Variants in HACD2 observed in about 807,000 individuals in gnomAD.
HACD2 encodes the protein 3-hydroxyacyl-CoA dehydratase 2, also known as very-long-chain (3R)-3-hydroxyacyl-CoA dehydratase 2.
HACD2 carries 15 observed loss-of-function variants against 31.0 expected under a neutral mutation model. The ratio of observed to expected loss-of-function variants is 0.48; its 90% CI spans 0.32 to 0.75. The LOEUF is 0.75. Among genes scored for constraint, HACD2 ranks in the 30% least tolerant of loss-of-function variants. The pLI is 0.03. For missense variants in HACD2, 283 were observed against 313.0 expected (o/e 0.90, Z 0.72); for synonymous variants, 115 against 122.2 (o/e 0.94, Z 0.39).
rs140353290 is a variant in HACD2, at chr3:123,581,363, A to G, written c.273+849T>C. 7.2e-5 allele frequency among the ~76,000 whole-genome samples: 11 copies of G among 152,294 alleles called. No homozygotes were observed. In the East Asian group the frequency reaches 2.1e-3, roughly 29 times the overall value. On this transcript the variant is annotated intron_variant, in intron 2 of 6. Coordinates refer to ENST00000383657, the MANE Select transcript of HACD2 (RefSeq NM_198402.5). ...AGTCTATAGTCCCTTGGACAGAAGA[A>G]TGGGCATGTGTCCTAAGATTGGCTA...
Position 123,572,184 on chromosome 3 carries a change from G to A in HACD2, c.274-4404C>T, listed in dbSNP as rs374393300. Among the ~76,000 whole-genome samples, 8 of 152,224 alleles carry A rather than the reference G, an allele frequency of 5.3e-5. No homozygotes were observed. The East Asian group carries it at 1.4e-3, about 26-fold the overall frequency. On this transcript the variant is annotated intron_variant, in intron 2 of 6. Coordinates refer to ENST00000383657, the MANE Select transcript of HACD2 (RefSeq NM_198402.5). ...ACACCTCATCAAAAAAAATTTAGAT[G>A]ACTTGCCATATTCAAAATCTCCCTT...
intron 3 of HACD2, among the ~76,000 whole-genome samples, chr3:123,552,954 T>C (rs953787006): frequency 6.6e-6 from 1 of 152,146 alleles, no homozygotes; most frequent in African/African-American, 2.4e-5. Flanking sequence ...GTAAAGCAGT[T>C]GAAAGGGAAG....
chr3:123,574,714 T>C lies in HACD2; in HGVS notation c.274-6934A>G, dbSNP rs370398252. Among the ~76,000 whole-genome samples the C allele has an allele frequency of 2.5e-4, 38 of 152,228 alleles. 1 individual carries two copies. The East Asian group carries it at 3.3e-3, about 13-fold the overall frequency. On this transcript the variant is annotated intron_variant, in intron 2 of 6. Transcript: ENST00000383657. ...TGTGATATATAAATATATACTAAAG[T>C]ATATTAAAAGTGGTAATCTTTTACT... is the stretch of plus-strand genomic sequence containing the variant.
intron 4 of HACD2, among the ~76,000 whole-genome samples, chr3:123,503,268 A>C (rs2055928947): frequency 6.6e-6 from 1 of 151,896 alleles, no homozygotes; most frequent in Non-Finnish European, 1.5e-5. Flanking sequence ...GTCTCAAAAA[A>C]AAAAAAAAAA....
rs2056974649 is a variant in HACD2 at position 123,582,329 on chromosome 3, C to A, written c.156G>T (p.Gly52=). Residue 52 remains glycine (G), a splice_region_variant and synonymous_variant, in exon 2 of 7, where the codon GGG becomes GGT. Coordinates refer to ENST00000383657, the MANE Select transcript of HACD2 (RefSeq NM_198402.5). ...CCAGACCAACCGCTATAACCAGCCA[C>A]CTAGTAAAAGAGAAAACAGCAATCA... ...LVIYNVVMTA[G]WLVIAVGLVR... is the part of the protein sequence containing the mutation. 2 of 1,562,510 alleles carry A rather than the reference C, an allele frequency of 1.3e-6. No individual in the cohort carries two copies. Among genetic ancestry groups the A allele is most frequent in the South Asian group, 1.2e-5 (1 of 82,572 alleles).
intron 2 of HACD2, among the ~76,000 whole-genome samples, chr3:123,573,575 A>G (rs1374324217): frequency 1.3e-5 from 2 of 152,134 alleles, no homozygotes; most frequent in Non-Finnish European, 2.9e-5. Context: ...TGGTGAGTCT[A>G]ACTGTGGAGT....
intron 3 of HACD2, among the ~76,000 whole-genome samples, chr3:123,556,309 C>T (rs952359975): frequency 9.2e-5 from 14 of 151,506 alleles, no homozygotes; most frequent in Admixed American, 4.0e-4. Flanking sequence ...TGGTGGTGCA[C>T]GCCTGTAGTC....
chr3:123,557,631 T>C (rs952768315), intron 3 of HACD2, among the ~76,000 whole-genome samples: 1 of 152,126 alleles, frequency 6.6e-6, no homozygotes, highest in Non-Finnish European at 1.5e-5. Context: ...AGAGTGAGAC[T>C]GTCTCAAAAA....
intron 2 of HACD2, among the ~76,000 whole-genome samples, chr3:123,568,970 T>G (rs116308238): frequency 0.011 from 1,659 of 152,272 alleles, 28 homozygotes; most frequent in African/African-American, 0.031. Context: ...ATTATTTCAT[T>G]GTGCATTAGT....
chr3:123,577,158 C>T (rs2056915942), intron 2 of HACD2, among the ~76,000 whole-genome samples: 2 of 152,102 alleles, frequency 1.3e-5, no homozygotes, highest in African/African-American at 4.8e-5. Context: ...TTCCTGTGGT[C>T]CATCAGGAAG....
chr3:123,551,466 T>A (rs900552791), intron 3 of HACD2, among the ~76,000 whole-genome samples: 3 of 151,188 alleles, frequency 2.0e-5, no homozygotes, highest in African/African-American at 4.9e-5. Flanking sequence ...TAAAAAAAAA[T>A]ATATAAAAAT....
intron 3 of HACD2, among the ~76,000 whole-genome samples, chr3:123,565,684 CAG>C (rs1233139095): frequency 6.6e-6 from 1 of 152,168 alleles, no homozygotes; most frequent in African/African-American, 2.4e-5. Context: ...GAGCTTTATA[CAG>C]AGACAGCTGA....
intron 3 of HACD2, among the ~76,000 whole-genome samples, chr3:123,563,699 T>C (rs1235453343): frequency 2.6e-5 from 4 of 151,786 alleles, no homozygotes; most frequent in African/African-American, 7.3e-5. Flanking sequence ...TACAACGTGA[T>C]GTTATGAAAT....
Position 123,567,643 on chromosome 3 carries a change from T to C in HACD2, c.292+119A>G, listed in dbSNP as rs1043385388. 6 of 645,788 alleles carry C rather than the reference T, an allele frequency of 9.3e-6. No individual in the cohort carries two copies. The African/African-American group carries it at 1.1e-4, about 12-fold the overall frequency. The allele number at this position is 645,788 out of a possible 1,614,324, so 40.0% of individuals were successfully genotyped here. A position where few individuals can be genotyped will look rare whatever the true frequency, so the allele number is the denominator to read the frequency against. On this transcript the variant is annotated intron_variant, in intron 3 of 6. Transcript: ENST00000383657. ...ACTCTAATTTCAGCAATTTCATACA[T>C]GATGACTAAATCATTTCATTTTTTC... is the stretch of plus-strand genomic sequence containing the variant.
intron 4 of HACD2, among the ~76,000 whole-genome samples, chr3:123,509,071 G>A (rs144027483): frequency 4.1e-4 from 62 of 152,218 alleles, no homozygotes; most frequent in African/African-American, 1.3e-3. Flanking sequence ...TGAATTTTTT[G>A]TGGGAGGAGA....
At chr3:123,546,329 G>A (rs1330766359) in intron 3 of HACD2, among the ~76,000 whole-genome samples, 3 of 152,146 alleles carry the variant, frequency 2.0e-5, no homozygotes, top group Non-Finnish European at 2.9e-5. Flanking sequence ...AACCCTTGTG[G>A]CAGACAATAC....
chr3:123,530,503 G>A (rs1162310398), intron 3 of HACD2, among the ~76,000 whole-genome samples: 1 of 150,826 alleles, frequency 6.6e-6, no homozygotes, highest in Non-Finnish European at 1.5e-5. Flanking sequence ...CCAACTCCCT[G>A]GTTCAAGGGG....
At chr3:123,502,534 G>C in intron 5 of HACD2, 26 bp downstream of exon 5, 5 of 1,605,714 alleles carry the variant, frequency 3.1e-6, no homozygotes, top group Non-Finnish European at 4.3e-6. Flanking sequence ...TTTCAAAAGT[G>C]AGCCTTTTGA....
At chr3:123,513,838 A>G (rs1309756460) in intron 4 of HACD2, among the ~76,000 whole-genome samples, 2 of 152,234 alleles carry the variant, frequency 1.3e-5, no homozygotes, top group Non-Finnish European at 2.9e-5. Context: ...GTAGTGTTGT[A>G]TCAAGGCTGA....
Sources: gnomAD v4.1 joint callset for allele counts (sites outside exome capture counted in the v4.1 genomes callset) on GRCh38, gnomAD v4.1.1 for gene constraint, MANE v1.5 for transcripts, NCBI Gene and HGNC (gene_info 2026-07-23, HGNC 2026-07-21) for gene names.